Variants in MGAM2 observed in about 807,000 individuals in gnomAD.
The protein encoded by MGAM2 is maltase-glucoamylase 2 (putative), also known as probable maltase-glucoamylase 2.
In MGAM2, 98 loss-of-function variants were observed where a neutral mutation model predicts 96.1. That is an observed-to-expected ratio of 1.02 (90% CI 0.87 to 1.21). The LOEUF (loss-of-function observed/expected upper bound fraction) is 1.21, where lower values mean the gene tolerates loss of function less well. MGAM2 is among the 50% of genes most tolerant of loss of function. The pLI is 0.00. For missense variants in MGAM2, 2,055 were observed against 1,182.4 expected, an observed-to-expected ratio of 1.74 and a Z score of -10.82; for synonymous variants, 749 against 414.8, an observed-to-expected ratio of 1.81 and a Z score of -9.79.
chr7:142,118,567 C>T (rs923157116), intron 2 of MGAM2, among the ~76,000 whole-genome samples: 2 of 152,112 alleles, frequency 1.3e-5, no homozygotes, highest in Admixed American at 1.3e-4. Flanking sequence ...CCTACTTCTG[C>T]TGTTGTCATG....
At chr7:142,121,914 G>T (rs1432060501) in intron 3 of MGAM2, among the ~76,000 whole-genome samples, 1 of 151,972 alleles carries the variant, frequency 6.6e-6, no homozygotes, top group Non-Finnish European at 1.5e-5. Context: ...AAGTGATGAT[G>T]GTTGGCAACC....
intron 15 of MGAM2, among the ~76,000 whole-genome samples, chr7:142,149,099 C>T (rs780237519): frequency 2.7e-4 from 41 of 152,006 alleles, no homozygotes; most frequent in Non-Finnish European, 2.9e-4. Flanking sequence ...TGGTGGCAGG[C>T]GCACCTGTAA....
At chr7:142,154,250 G>T in intron 16 of MGAM2, 61 bp downstream of exon 16, 1 of 530,408 alleles carries the variant, frequency 1.9e-6, no homozygotes, top group Non-Finnish European at 3.4e-6. Context: ...CTTTTAATTA[G>T]CAGTCTTAGA....
intron 6 of MGAM2, 40 bp from the exon 7 acceptor site, chr7:142,133,940 TG>T: frequency 1.5e-6 from 1 of 658,418 alleles, no homozygotes; most frequent in East Asian, 2.8e-5. Flanking sequence ...GAGGAAAGAG[TG>T]TTTTTCGGTG....
At chr7:142,153,972 A>G in intron 15 of MGAM2, 46 bp from the exon 16 acceptor site, 4 of 537,264 alleles carry the variant, frequency 7.4e-6, no homozygotes, top group Non-Finnish European at 1.4e-5. Flanking sequence ...TGAGTCCTAG[A>G]CATTCACAGC....
At chr7:142,209,894 A>G (rs904051184) in intron 46 of MGAM2, among the ~76,000 whole-genome samples, 3 of 152,240 alleles carry the variant, frequency 2.0e-5, no homozygotes, top group South Asian at 4.1e-4. Flanking sequence ...AAAAAATTCA[A>G]AAATGATTTG....
In MGAM2 at chr7:142,196,181, A is replaced by C; in HGVS notation, c.4374A>C (p.Arg1458=). 8.3e-7 allele frequency: 1 copy of C among 1,203,822 alleles called. No individual in the cohort carries two copies. Among genetic ancestry groups the C allele is most frequent in the Non-Finnish European group, 1.2e-6 (1 of 827,880 alleles). 74.6% of individuals were successfully genotyped at this position (1,203,822 alleles called of 1,614,324 possible). A position where few individuals can be genotyped will look rare whatever the true frequency, so the allele number is the denominator to read the frequency against. Residue 1458 remains arginine, a synonymous_variant, in exon 38 of 48, where the codon CGA becomes CGC. Transcript: ENST00000477922. ...CTGTGCAGGAGGTGACAGGACAGCG[A>C]GGGGTCATCATCACCCGCTCCACAT... The part of the protein sequence containing the change: ...YEAVQEVTGQ[R]GVIITRSTFP...
rs1033137130 is a variant in MGAM2, at chr7:142,151,484, T to C, written c.1635-2534T>C. The stretch of plus-strand genomic sequence containing the variant: ...TATTTTTCCTGAGAAATAAACTGGA[T>C]AAATAAGACTCAATTTCCTCATCTC... On this transcript the variant is annotated intron_variant, in intron 15 of 47. Transcript: ENST00000477922. Among the ~76,000 whole-genome samples the C allele has an allele frequency of 1.2e-4, 19 of 152,202 alleles. 1 individual carries two copies. Among genetic ancestry groups the C allele is most frequent in the Middle Eastern group, 3.2e-3 (1 of 316 alleles).
intron 34 of MGAM2, 147 bp from the exon 35 acceptor site, chr7:142,185,842 G>C (rs1796677207): frequency 2.0e-6 from 1 of 509,648 alleles, no homozygotes; most frequent in Non-Finnish European, 3.5e-6. Flanking sequence ...CCCAATCTCT[G>C]CTTCTGTTGT....
intron 44 of MGAM2, 68 bp downstream of exon 44, chr7:142,198,807 G>A: frequency 1.5e-6 from 1 of 653,126 alleles, no homozygotes; most frequent in Non-Finnish European, 2.8e-6. Flanking sequence ...ACAGGAGGCT[G>A]TCCCACCTTC....
chr7:142,143,394 G>A (rs1216790565), intron 12 of MGAM2, among the ~76,000 whole-genome samples: 1 of 152,064 alleles, frequency 6.6e-6, no homozygotes, highest in East Asian at 1.9e-4. Flanking sequence ...ATTCAAAGTA[G>A]ACTTTATGTG....
chr7:142,160,569 G>C (rs1243882199), intron 21 of MGAM2, among the ~76,000 whole-genome samples: 2 of 151,808 alleles, frequency 1.3e-5, no homozygotes, highest in African/African-American at 4.8e-5. Context: ...TCCCTACCGT[G>C]TGAGAGAATT....
chr7:142,183,950 CTT>C (rs748299647), intron 33 of MGAM2, among the ~76,000 whole-genome samples: 1 of 46,146 alleles, frequency 2.2e-5, no homozygotes, highest in African/African-American at 5.6e-5. Context: ...TTCCAGGCTC[CTT>C]TTTTTTTTTT....
intron 1 of MGAM2, among the ~76,000 whole-genome samples, chr7:142,112,854 AG>A (rs1817220910): frequency 6.6e-6 from 1 of 152,210 alleles, no homozygotes; most frequent in Admixed American, 6.5e-5. Context: ...TAAATAATTT[AG>A]ACTAAAAGAG....
chr7:142,128,459 C>G (rs1008469955), intron 3 of MGAM2, among the ~76,000 whole-genome samples: 2 of 152,132 alleles, frequency 1.3e-5, no homozygotes, highest in Non-Finnish European at 2.9e-5. Flanking sequence ...AAAAATGGCT[C>G]CAGGGCGTCA....
intron 4 of MGAM2, among the ~76,000 whole-genome samples, 196 bp from the exon 5 acceptor site, chr7:142,131,322 C>G (rs1051624178): frequency 6.6e-6 from 1 of 152,090 alleles, no homozygotes; most frequent in Non-Finnish European, 1.5e-5. Context: ...CCTGTAATCC[C>G]AGCTACTCAG....
rs1796141549 is a variant in MGAM2 at position 142,169,981 on chromosome 7, T to A, written c.3028-94T>A. ...TGATGCCTACTGATATGGTGCAAACTGGTCAAAAACATGGAAACTGAATTA... is the reference window on the plus strand; with the variant it reads ...TGATGCCTACTGATATGGTGCAAACAGGTCAAAAACATGGAAACTGAATTA... On this transcript the variant is annotated intron_variant, in intron 26 of 47. Coordinates refer to ENST00000477922, the MANE Select transcript of MGAM2 (RefSeq NM_001293626.2). 2.6e-5 allele frequency: 16 copies of A among 607,150 alleles called. No individual in the cohort carries two copies. In the East Asian group the frequency reaches 4.4e-4, roughly 17 times the overall value. The allele number at this position is 607,150 out of a possible 1,614,324, so 37.6% of individuals were successfully genotyped here.
intron 8 of MGAM2, among the ~76,000 whole-genome samples, chr7:142,137,085 T>A (rs1316769241): frequency 1.3e-5 from 2 of 152,172 alleles, no homozygotes; most frequent in Admixed American, 6.5e-5. Context: ...TATTTATTTT[T>A]AAATATTTAA....
At chr7:142,146,062 G>C (rs2063745057) in intron 14 of MGAM2, among the ~76,000 whole-genome samples, 1 of 150,598 alleles carries the variant, frequency 6.6e-6, no homozygotes. Flanking sequence ...TCTACTGTTT[G>C]CTTTTTCGAC....
Sources: gnomAD v4.1 joint callset for allele counts (sites outside exome capture counted in the v4.1 genomes callset) on GRCh38, gnomAD v4.1.1 for gene constraint, MANE v1.5 for transcripts, NCBI Gene and HGNC (gene_info 2026-07-23, HGNC 2026-07-21) for gene names.